The following BABAM2 variants were observed in gnomAD, a reference collection of about 807,000 sequenced individuals.
The protein encoded by BABAM2 is BRISC and BRCA1 A complex member 2.
A neutral mutation model predicts 54.7 loss-of-function variants in BABAM2; 31 were observed. The ratio of observed to expected loss-of-function variants is 0.57; its 90% CI spans 0.43 to 0.77. The LOEUF is 0.77. Among genes scored for constraint, BABAM2 ranks in the 30% least tolerant of loss-of-function variants. BABAM2 has a pLI of 0.00. For missense variants in BABAM2, 364 were observed against 455.8 expected (o/e 0.80, Z 1.83); for synonymous variants, 167 against 162.9 (o/e 1.03, Z -0.19).
chr2:27,982,282 T>A (rs1672060567), intron 3 of BABAM2, among the ~76,000 whole-genome samples: 1 of 152,144 alleles, frequency 6.6e-6, no homozygotes, highest in African/African-American at 2.4e-5. Context: ...TTTGCAAAAT[T>A]ATCTCCCTGT....
chr2:28,045,838 G>A, intron 6 of BABAM2, 39 bp downstream of exon 6: 1 of 1,462,614 alleles, frequency 6.8e-7, no homozygotes, highest in Non-Finnish European at 9.4e-7. Context: ...ATATAAGTGA[G>A]CTTTTTAAGT....
intron 6 of BABAM2, among the ~76,000 whole-genome samples, chr2:28,063,488 T>G (rs1679072322): frequency 6.6e-6 from 1 of 152,216 alleles, no homozygotes; most frequent in Non-Finnish European, 1.5e-5. Flanking sequence ...TAAAATCCAG[T>G]GTATTTACCC....
intron 11 of BABAM2, chr2:28,327,442 A>G: frequency 6.3e-7 from 1 of 1,588,342 alleles, no homozygotes; most frequent in Non-Finnish European, 8.6e-7. Flanking sequence ...AATTTTGATC[A>G]CTTTGGTAAG....
At chr2:28,019,838 G>A (rs985469526) in intron 4 of BABAM2, among the ~76,000 whole-genome samples, 2 of 152,182 alleles carry the variant, frequency 1.3e-5, no homozygotes, top group African/African-American at 4.8e-5. Flanking sequence ...TCTCTATTCT[G>A]TTCCATTAGC....
chr2:28,194,490 A>G (rs200131005), intron 7 of BABAM2, among the ~76,000 whole-genome samples: 1 of 151,810 alleles, frequency 6.6e-6, no homozygotes, highest in Non-Finnish European at 1.5e-5. Context: ...CTCCAAATAA[A>G]CAGTGACTAT....
intron 11 of BABAM2, among the ~76,000 whole-genome samples, chr2:28,302,680 C>T (rs899849293): frequency 4.6e-5 from 7 of 152,106 alleles, no homozygotes; most frequent in East Asian, 1.9e-4. Flanking sequence ...AAAGTGGTAT[C>T]GGTTTACCCT....
intron 6 of BABAM2, among the ~76,000 whole-genome samples, chr2:28,056,192 T>C (rs1041873999): frequency 2.0e-5 from 3 of 152,104 alleles, no homozygotes; most frequent in Non-Finnish European, 2.9e-5. Flanking sequence ...CACTCTAATG[T>C]GCAACAGGAC....
At chr2:27,890,445 C>A, upstream of BABAM2, 1 of 1,166,186 alleles carries the variant, frequency 8.6e-7, no homozygotes, top group South Asian at 1.3e-5. The surrounding 1 kb of genome is among the most constrained non-coding windows in gnomAD (Gnocchi z 4.8). Flanking sequence ...CGACGCGGGC[C>A]TTTCAGACGC....
At chr2:27,993,999 G>A (rs1672958626) in intron 4 of BABAM2, among the ~76,000 whole-genome samples, 1 of 152,180 alleles carries the variant, frequency 6.6e-6, no homozygotes, top group Non-Finnish European at 1.5e-5. Context: ...GATGGTGCTC[G>A]ATGCCTAGAC....
chr2:28,172,921 A>C (rs1364002085), intron 7 of BABAM2, among the ~76,000 whole-genome samples: 3 of 152,180 alleles, frequency 2.0e-5, no homozygotes, highest in Non-Finnish European at 4.4e-5. Context: ...AAGAAATCCA[A>C]AATCACTGTG....
intron 10 of BABAM2, among the ~76,000 whole-genome samples, chr2:28,278,810 G>A (rs1235572441): frequency 2.6e-5 from 4 of 152,194 alleles, no homozygotes; most frequent in African/African-American, 7.2e-5. Context: ...AGGGCACCAC[G>A]AAGGCAGCAG....
At chr2:28,244,673 C>T (rs1337932019) in intron 9 of BABAM2, 107 bp from the exon 10 acceptor site, 67 of 1,057,482 alleles carry the variant, frequency 6.3e-5, no homozygotes, top group Non-Finnish European at 9.2e-5. Flanking sequence ...ATCTCAAAGT[C>T]AATAACCCTG....
intron 6 of BABAM2, among the ~76,000 whole-genome samples, chr2:28,088,975 G>C (rs1423051187): frequency 6.6e-6 from 1 of 151,962 alleles, no homozygotes; most frequent in Non-Finnish European, 1.5e-5. Flanking sequence ...TGTATCCTAA[G>C]TCTCTAAATC....
At chr2:27,893,703 T>A (rs548283869) in intron 1 of BABAM2, among the ~76,000 whole-genome samples, 124 of 152,214 alleles carry the variant, frequency 8.1e-4, no homozygotes, top group African/African-American at 3.0e-3. Context: ...AAGAAAGGTG[T>A]ATCAGCAGTA....
intron 4 of BABAM2, among the ~76,000 whole-genome samples, chr2:27,996,650 T>C (rs1673166559): frequency 6.6e-6 from 1 of 152,238 alleles, no homozygotes; most frequent in Non-Finnish European, 1.5e-5. Flanking sequence ...GTTTGAGGTC[T>C]CTCAACACTC....
At chr2:28,048,849 C>G (rs543633590) in intron 6 of BABAM2, among the ~76,000 whole-genome samples, 106 of 152,322 alleles carry the variant, frequency 7.0e-4, no homozygotes, top group African/African-American at 1.5e-3. Flanking sequence ...TAACGAACAG[C>G]TAGTCATTAG....
chr2:28,041,562 A>AAT (rs1677102122), intron 5 of BABAM2, among the ~76,000 whole-genome samples: 1 of 152,122 alleles, frequency 6.6e-6, no homozygotes, highest in Non-Finnish European at 1.5e-5. Context: ...ACCATGGAGG[A>AAT]GAGAGTTTCT....
chr2:28,051,121 C>G (rs770302987), intron 6 of BABAM2, among the ~76,000 whole-genome samples: 12 of 152,184 alleles, frequency 7.9e-5, no homozygotes, highest in Admixed American at 3.3e-4. Context: ...TACTGTTAGT[C>G]TCCTGTAACG....
At chr2:28,122,060 A>G (rs1414562268) in intron 6 of BABAM2, among the ~76,000 whole-genome samples, 2 of 152,066 alleles carry the variant, frequency 1.3e-5, no homozygotes, top group Non-Finnish European at 2.9e-5. Context: ...TAAATATACA[A>G]AAAAAATTAG....
Sources: allele counts gnomAD v4.1 joint callset (sites outside exome capture counted in the v4.1 genomes callset), GRCh38; gene constraint gnomAD v4.1.1; non-coding constraint Gnocchi (gnomAD v3.1); transcripts MANE v1.5; gene names NCBI Gene and HGNC (gene_info 2026-07-23, HGNC 2026-07-21).